EIF2B3: variants seen among roughly 807,000 people sequenced by gnomAD.
The protein encoded by EIF2B3 is translation initiation factor eIF2B subunit gamma.
A neutral mutation model predicts 54.1 loss-of-function variants in EIF2B3; 20 were observed. That is an observed-to-expected ratio of 0.37 (90% CI 0.26 to 0.54). EIF2B3 has a LOEUF of 0.54. Among genes scored for constraint, EIF2B3 ranks in the 20% least tolerant of loss-of-function variants. EIF2B3 has a pLI of 0.86. For missense variants in EIF2B3, 448 were observed against 547.8 expected (o/e 0.82, Z 1.82); for synonymous variants, 153 against 188.1 (o/e 0.81, Z 1.52).
At chr1:44,894,897 A>G (rs1396662002) in intron 6 of EIF2B3, among the ~76,000 whole-genome samples, 1 of 152,076 alleles carries the variant, frequency 6.6e-6, no homozygotes, top group Non-Finnish European at 1.5e-5. Context: ...AGCTTTCAAG[A>G]CCTTCTACAT....
In EIF2B3 at chr1:44,875,688, T is replaced by C. The variant is rs138741202; in HGVS notation, c.983A>G (p.Lys328Arg). ...TTCTGGACAGAGAGCAGACAGCAAT[T>C]TGGGCACCTTAAGGACAGAGATTTG... ...LYMEANRQVP[K>R]LLSALCPEEP... Residue 328 changes from lysine to arginine, a missense_variant, in exon 9 of 12, where the codon AAA becomes AGA. By Grantham distance (26) the Lys-to-Arg change is conservative (BLOSUM62 2). Coordinates refer to ENST00000360403, the MANE Select transcript of EIF2B3 (RefSeq NM_020365.5). The C allele has an allele frequency of 1.1e-3, 1,841 of 1,614,102 alleles. 6 individuals are homozygous for C. The highest frequency in any genetic ancestry group is 1.0e-3 in the Non-Finnish European group (1,228 of 1,179,986).
At chr1:44,936,028 C>T (rs1423415176) in intron 4 of EIF2B3, among the ~76,000 whole-genome samples, 3 of 150,944 alleles carry the variant, frequency 2.0e-5, no homozygotes, top group Non-Finnish European at 2.9e-5. Context: ...AAGCTGATCT[C>T]TTCACCCTTT....
intron 11 of EIF2B3, among the ~76,000 whole-genome samples, chr1:44,852,346 C>A (rs1189754281): frequency 6.6e-6 from 1 of 152,078 alleles, no homozygotes; most frequent in African/African-American, 2.4e-5. Context: ...CTCTTACTAC[C>A]CTATGTGCCC....
intron 1 of EIF2B3, 22 bp from the exon 2 acceptor site, chr1:44,981,199 T>C (rs763463420): frequency 5.6e-6 from 9 of 1,612,604 alleles, no homozygotes; most frequent in Non-Finnish European, 7.6e-6. Context: ...GAAAAAACAA[T>C]TAACAGAAAA....
chr1:44,903,039 C>CGA (rs1643345245), intron 5 of EIF2B3, among the ~76,000 whole-genome samples: 1 of 152,066 alleles, frequency 6.6e-6, no homozygotes, highest in Non-Finnish European at 1.5e-5. Context: ...GTAAGAAAGA[C>CGA]TAACACACAG....
At chr1:44,974,260 T>C (rs72885293) in intron 3 of EIF2B3, among the ~76,000 whole-genome samples, 9,547 of 151,352 alleles carry the variant, frequency 0.063, 1,047 homozygotes, top group African/African-American at 0.22. Flanking sequence ...GTATCACTTC[T>C]GTCCAGGAGT....
chr1:44,872,697 C>T (rs1655003935), intron 10 of EIF2B3, among the ~76,000 whole-genome samples: 1 of 151,968 alleles, frequency 6.6e-6, no homozygotes, highest in Non-Finnish European at 1.5e-5. Flanking sequence ...CTTTCTCCAG[C>T]TCAGGTGGCT....
chr1:44,889,478 A>G (rs1457410579), intron 6 of EIF2B3, among the ~76,000 whole-genome samples: 1 of 151,988 alleles, frequency 6.6e-6, no homozygotes, highest in Non-Finnish European at 1.5e-5. Context: ...TGGAGGTTGC[A>G]GTGAGCTGAG....
intron 5 of EIF2B3, among the ~76,000 whole-genome samples, chr1:44,917,737 T>C (rs1643652622): frequency 6.7e-6 from 1 of 150,118 alleles, no homozygotes; most frequent in Admixed American, 6.6e-5. Flanking sequence ...TAGTATTTAT[T>C]TTGCCACCAA....
chr1:44,976,912 G>T (rs1569883169), intron 3 of EIF2B3, among the ~76,000 whole-genome samples: 3 of 152,152 alleles, frequency 2.0e-5, no homozygotes, highest in African/African-American at 7.2e-5. Flanking sequence ...GAAGCACAAA[G>T]GAACTTTCAG....
chr1:44,861,925 A>C (rs542188237), intron 10 of EIF2B3, among the ~76,000 whole-genome samples: 29 of 152,298 alleles, frequency 1.9e-4, no homozygotes, highest in African/African-American at 6.5e-4. Flanking sequence ...AGCAAGGCTG[A>C]GGTACTTTGG....
At chr1:44,851,596 G>T (rs779258329) in intron 11 of EIF2B3, among the ~76,000 whole-genome samples, 1 of 152,096 alleles carries the variant, frequency 6.6e-6, no homozygotes, top group East Asian at 1.9e-4. Context: ...AGGGATTCTA[G>T]GCTGTTAGAA....
At chr1:44,880,829 C>T (rs1041138813) in intron 7 of EIF2B3, among the ~76,000 whole-genome samples, 4 of 152,000 alleles carry the variant, frequency 2.6e-5, no homozygotes, top group South Asian at 2.1e-4. Flanking sequence ...GGCGTGGTGG[C>T]GTGTGCCTGT....
intron 3 of EIF2B3, among the ~76,000 whole-genome samples, chr1:44,965,634 C>CTTTTTTTT (rs386366856): frequency 1.6e-4 from 16 of 102,400 alleles, no homozygotes; most frequent in African/African-American, 3.9e-4. Flanking sequence ...ACAAATGCAT[C>CTTTTTTTT]TTTTTTTTTT....
intron 3 of EIF2B3, among the ~76,000 whole-genome samples, chr1:44,949,320 A>G (rs1451509119): frequency 6.6e-6 from 1 of 152,154 alleles, no homozygotes; most frequent in Admixed American, 6.5e-5. Flanking sequence ...GAGATGATGC[A>G]TTTTCTGATC....
intron 4 of EIF2B3, among the ~76,000 whole-genome samples, chr1:44,931,919 T>C (rs1389958368): frequency 6.6e-6 from 1 of 152,112 alleles, no homozygotes; most frequent in Non-Finnish European, 1.5e-5. Flanking sequence ...GAGTTCAAGA[T>C]CATCTCTGCT....
intron 3 of EIF2B3, among the ~76,000 whole-genome samples, chr1:44,967,411 C>T (rs1644353929): frequency 6.7e-6 from 1 of 149,324 alleles, no homozygotes; most frequent in African/African-American, 2.5e-5. Context: ...CCCACCACTG[C>T]ACTCCAGCGT....
At chr1:44,947,918 G>A (rs1268736474) in intron 3 of EIF2B3, among the ~76,000 whole-genome samples, 1 of 151,820 alleles carries the variant, frequency 6.6e-6, no homozygotes, top group Non-Finnish European at 1.5e-5. Flanking sequence ...TATTGCCCAG[G>A]CTGGTCTCAA....
chr1:44,939,709 A>C (rs186640827), intron 4 of EIF2B3, among the ~76,000 whole-genome samples: 3 of 151,772 alleles, frequency 2.0e-5, no homozygotes, highest in Admixed American at 1.3e-4. Flanking sequence ...AATGATACTT[A>C]AGACATAAAA....
Sources: gnomAD v4.1 joint callset for allele counts (sites outside exome capture counted in the v4.1 genomes callset) on GRCh38, gnomAD v4.1.1 for gene constraint, MANE v1.5 for transcripts, NCBI Gene and HGNC (gene_info 2026-07-23, HGNC 2026-07-21) for gene names.